Variants in STK32B observed in about 807,000 individuals in gnomAD.
The protein encoded by STK32B is serine/threonine-protein kinase 32B.
STK32B carries 43 observed loss-of-function variants against 52.6 expected under a neutral mutation model. That is an observed-to-expected ratio of 0.82 (90% CI 0.64 to 1.05). The LOEUF is 1.05. Ranked by LOEUF, STK32B falls within the 50% of genes least tolerant of loss-of-function variation. The pLI, the probability that STK32B is intolerant of heterozygous loss-of-function variation, is 0.00. For missense variants in STK32B, 621 were observed against 534.6 expected (o/e 1.16, Z -1.59); for synonymous variants, 238 against 204.3 (o/e 1.17, Z -1.41).
chr4:5,397,975 A>G (rs55823583), intron 4 of STK32B, among the ~76,000 whole-genome samples: 1,866 of 152,362 alleles, frequency 0.012, 23 homozygotes, highest in South Asian at 0.057. Context: ...AAGAATATTC[A>G]GGAAAAAATA....
At chr4:5,254,561 T>G (rs1726167879) in intron 3 of STK32B, among the ~76,000 whole-genome samples, 1 of 152,232 alleles carries the variant, frequency 6.6e-6, no homozygotes, top group African/African-American at 2.4e-5. Context: ...AGTTTTAATA[T>G]GCCATGTATT....
chr4:5,122,380 A>AG (rs1715092794), intron 1 of STK32B, among the ~76,000 whole-genome samples: 1 of 126,572 alleles, frequency 7.9e-6, no homozygotes, highest in Non-Finnish European at 1.9e-5. Flanking sequence ...TCACTCATTC[A>AG]TTCACTCACT....
intron 1 of STK32B, among the ~76,000 whole-genome samples, chr4:5,099,530 C>A (rs1435030803): frequency 6.6e-6 from 1 of 151,946 alleles, no homozygotes; most frequent in Non-Finnish European, 1.5e-5. Flanking sequence ...GGGTTATGCC[C>A]AGGAGTTAGG....
At chr4:5,191,310 G>A (rs780744778) in intron 3 of STK32B, among the ~76,000 whole-genome samples, 2 of 151,356 alleles carry the variant, frequency 1.3e-5, no homozygotes, top group Non-Finnish European at 2.9e-5. Context: ...GAGTGCAGTG[G>A]CGCCATCTCG....
intron 11 of STK32B, among the ~76,000 whole-genome samples, chr4:5,497,650 T>C (rs778155340): frequency 6.6e-6 from 1 of 152,186 alleles, no homozygotes; most frequent in Non-Finnish European, 1.5e-5. Context: ...ATTTCAGTGT[T>C]ATCTGAAGGA....
intron 6 of STK32B, 104 bp downstream of exon 6, chr4:5,417,038 C>T (rs1712225171): frequency 1.9e-6 from 2 of 1,036,440 alleles, no homozygotes; most frequent in Admixed American, 2.4e-5. Flanking sequence ...ACATACCCTC[C>T]CATGCTCACA....
chr4:5,340,473 G>C (rs1324813481), intron 4 of STK32B, among the ~76,000 whole-genome samples: 1 of 152,232 alleles, frequency 6.6e-6, no homozygotes. Flanking sequence ...TGTATTGCAA[G>C]GGTCAAGGGT....
intron 3 of STK32B, among the ~76,000 whole-genome samples, chr4:5,264,585 G>A (rs530566048): frequency 4.6e-5 from 7 of 151,906 alleles, no homozygotes; most frequent in Non-Finnish European, 1.0e-4. Flanking sequence ...GGGGGATCGA[G>A]ACCATCCTGG....
chr4:5,319,621 G>A (rs780066772), intron 3 of STK32B, among the ~76,000 whole-genome samples: 22 of 152,132 alleles, frequency 1.4e-4, no homozygotes, highest in Non-Finnish European at 2.8e-4. Flanking sequence ...CTCAGCCTTT[G>A]TTCATGCTGT....
At chr4:5,454,010 G>T (rs1338049696) in intron 7 of STK32B, among the ~76,000 whole-genome samples, 1 of 152,072 alleles carries the variant, frequency 6.6e-6, no homozygotes, top group South Asian at 2.1e-4. Flanking sequence ...ATAGAGAACT[G>T]CCCTTCCGCA....
chr4:5,135,728 C>T (rs930973983), intron 1 of STK32B, among the ~76,000 whole-genome samples: 23 of 152,290 alleles, frequency 1.5e-4, no homozygotes, highest in African/African-American at 3.4e-4. Flanking sequence ...CCAGATATCA[C>T]GTCCACATTG....
At chr4:5,354,198 T>C (rs371951657) in intron 4 of STK32B, among the ~76,000 whole-genome samples, 2 of 152,146 alleles carry the variant, frequency 1.3e-5, no homozygotes, top group African/African-American at 4.8e-5. Flanking sequence ...CCCATGGAGA[T>C]AGAAAGTAGA....
intron 1 of STK32B, among the ~76,000 whole-genome samples, chr4:5,118,442 G>A (rs562690703): frequency 4.6e-5 from 7 of 152,098 alleles, no homozygotes; most frequent in Non-Finnish European, 8.8e-5. Context: ...CAAAAATACC[G>A]AACTCACTCC....
At chr4:5,154,211 CTTT>C (rs3072774) in intron 2 of STK32B, among the ~76,000 whole-genome samples, 41,680 of 122,044 alleles carry the variant, frequency 0.34, 7,192 homozygotes, top group Non-Finnish European at 0.44. Flanking sequence ...CCTTCCATGT[CTTT>C]TTTTTTTTTT....
At chr4:5,104,550 C>A (rs948512616) in intron 1 of STK32B, among the ~76,000 whole-genome samples, 5 of 152,084 alleles carry the variant, frequency 3.3e-5, no homozygotes, top group African/African-American at 1.2e-4. Context: ...GAAATATTAC[C>A]TACAGCAAAG....
intron 3 of STK32B, among the ~76,000 whole-genome samples, chr4:5,234,883 A>T (rs1724519565): frequency 6.6e-6 from 1 of 152,264 alleles, no homozygotes; most frequent in East Asian, 1.9e-4. Flanking sequence ...ATTTGAAATA[A>T]TTTAGAAATA....
At chr4:5,442,524 A>C (rs200239330) in intron 6 of STK32B, among the ~76,000 whole-genome samples, 1 of 149,932 alleles carries the variant, frequency 6.7e-6, no homozygotes, top group African/African-American at 2.4e-5. Context: ...GATTTCCTGA[A>C]TACAGCACAC....
In STK32B at chr4:5,456,872, T is replaced by C; in HGVS notation, c.732T>C (p.Arg244=). ...TCCTCAACATGTTCAAGGTGGAGCG[T>C]GTCCACTACTCCTCCACGTGGTGCA... ...DEILNMFKVE[R]VHYSSTWCKG... The change falls in exon 8 of 12, where the codon CGT becomes CGC. Residue 244 remains arginine, a synonymous_variant. Coordinates refer to ENST00000282908, the MANE Select transcript of STK32B (RefSeq NM_018401.3). The C allele has an allele frequency of 1.3e-6, 2 of 1,598,176 alleles. No homozygotes were observed. Among genetic ancestry groups the C allele is most frequent in the Non-Finnish European group, 1.7e-6 (2 of 1,171,294 alleles).
intron 4 of STK32B, among the ~76,000 whole-genome samples, chr4:5,397,555 G>A (rs79223910): frequency 0.011 from 1,645 of 152,314 alleles, 27 homozygotes; most frequent in African/African-American, 0.037. Context: ...CTTAAAAGAG[G>A]TCAGCAAACT....
Sources: allele counts gnomAD v4.1 joint callset (sites outside exome capture counted in the v4.1 genomes callset), GRCh38; gene constraint gnomAD v4.1.1; transcripts MANE v1.5; gene names NCBI Gene and HGNC (gene_info 2026-07-23, HGNC 2026-07-21).